Variants in TLN2 observed in about 807,000 individuals in gnomAD.
TLN2 encodes talin 2.
A neutral mutation model predicts 294.7 loss-of-function variants in TLN2; 118 were observed. The observed-to-expected ratio is 0.40, with a 90% CI of 0.34 to 0.47. The LOEUF (loss-of-function observed/expected upper bound fraction) is 0.47, where lower values mean the gene tolerates loss of function less well. TLN2 is among the 20% of genes least tolerant of loss of function. TLN2 has a pLI of 0.84. For missense variants in TLN2, 3,083 were observed against 3,282.2 expected (o/e 0.94, Z 1.48); for synonymous variants, 1,431 against 1,304.5 (o/e 1.10, Z -2.09).
chr15:62,615,147 A>G (rs55643522), intron 2 of TLN2, among the ~76,000 whole-genome samples: 27,932 of 152,186 alleles, frequency 0.18, 3,204 homozygotes, highest in East Asian at 0.42. Flanking sequence ...TTTAAAAGAT[A>G]TTTGAAAAGT....
intron 3 of TLN2, among the ~76,000 whole-genome samples, chr15:62,635,220 T>C (rs1334202872): frequency 6.6e-6 from 1 of 152,168 alleles, no homozygotes; most frequent in South Asian, 2.1e-4. Context: ...TTTGTAAAAA[T>C]ACTGATGATT....
At chr15:62,764,362 T>C (rs2062862532) in intron 40 of TLN2, among the ~76,000 whole-genome samples, 1 of 152,248 alleles carries the variant, frequency 6.6e-6, no homozygotes. Flanking sequence ...AGGTGCTTAA[T>C]AAACATGGAT....
chr15:62,733,272 A>G (rs929391007), intron 28 of TLN2, among the ~76,000 whole-genome samples: 6 of 152,192 alleles, frequency 3.9e-5, no homozygotes, highest in South Asian at 2.1e-4. Flanking sequence ...TTAAGCATCC[A>G]TTAGCTTTAG....
In TLN2 at chr15:62,573,942, T is replaced by A. The variant is rs184816376; in HGVS notation, c.-237-15745T>A. On this transcript the variant is annotated intron_variant, in intron 1 of 58. Transcript: ENST00000636159. ...GAGGCAGGTTGGGAGCTCAGCCGCC[T>A]GACTCCCTGCACATGCCTTCAACTT... Among the ~76,000 whole-genome samples the A allele has an allele frequency of 7.9e-4, 120 of 152,232 alleles. No homozygotes were observed. The Middle Eastern group carries it at 0.014, about 17-fold the overall frequency.
At chr15:62,503,542 G>A (rs1261716413) in intron 1 of TLN2, among the ~76,000 whole-genome samples, 1 of 152,200 alleles carries the variant, frequency 6.6e-6, no homozygotes, top group African/African-American at 2.4e-5. Context: ...TCTTTCTGTG[G>A]TGTGAAAAGG....
At position 62,736,994 on chromosome 15, in the gene TLN2, G is replaced by A; in HGVS notation, c.3475G>A (p.Asp1159Asn). ...CCATGCCATGTTAGATTCTGCTCGAGACGTGATGGAGGGCTCCGCCATGCT... is the reference window on the plus strand; with the variant it reads ...CCATGCCATGTTAGATTCTGCTCGAAACGTGATGGAGGGCTCCGCCATGCT... ...AAHAMLDSAR[D>N]VMEGSAMLIQ... The change falls in exon 29 of 59, where the codon GAC (aspartate) becomes AAC (asparagine). Residue 1159 changes from aspartate to asparagine, a missense_variant. Asp to Asn is a conservative substitution (Grantham distance 23, BLOSUM62 1). Coordinates refer to ENST00000636159, the MANE Select transcript of TLN2 (RefSeq NM_015059.3). The A allele has an allele frequency of 6.2e-7, 1 of 1,614,226 alleles. No homozygotes were observed. Among genetic ancestry groups the A allele is most frequent in the Non-Finnish European group, 8.5e-7 (1 of 1,180,046 alleles).
chr15:62,636,642 G>T (rs2050412734), intron 3 of TLN2, among the ~76,000 whole-genome samples: 1 of 152,118 alleles, frequency 6.6e-6, no homozygotes, highest in Non-Finnish European at 1.5e-5. Flanking sequence ...GTGATGTGTG[G>T]TGTGGGGTCT....
rs189959134 is a variant in TLN2 at position 62,413,639 on chromosome 15, G to T, written c.-238+22954G>T. ...CGTGAATTTATATGCTATTGCCAAGGTCTGCAGGGACAGGTGCACATTAAG... is the reference window on the plus strand; with the variant it reads ...CGTGAATTTATATGCTATTGCCAAGTTCTGCAGGGACAGGTGCACATTAAG... On this transcript the variant is annotated intron_variant, in intron 1 of 58. Coordinates refer to ENST00000636159, the MANE Select transcript of TLN2 (RefSeq NM_015059.3). Among the ~76,000 whole-genome samples the T allele has an allele frequency of 5.4e-3, 822 of 152,314 alleles. 2 individuals are homozygous for T. Among genetic ancestry groups the T allele is most frequent in the Non-Finnish European group, 9.0e-3 (614 of 68,034 alleles).
Position 62,810,004 on chromosome 15 carries a change from A to G in TLN2, c.6743A>G (p.Tyr2248Cys). The change falls in exon 52 of 59, where the codon TAC (tyrosine) becomes TGC (cysteine). Residue 2248 changes from tyrosine to cysteine, a missense_variant. Transcript: ENST00000636159. ...LRFGTECTLGYLDLLEHVLVI... is the reference protein window; with the variant it reads ...LRFGTECTLGCLDLLEHVLVI... ...TTCGGGACGGAGTGCACCCTTGGCTACTTGGACCTCCTGGAGCACGTCTTG... is the reference window on the plus strand; with the variant it reads ...TTCGGGACGGAGTGCACCCTTGGCTGCTTGGACCTCCTGGAGCACGTCTTG... 6.2e-7 allele frequency: 1 copy of G among 1,613,794 alleles called. No homozygotes were observed. The highest frequency in any genetic ancestry group is 8.5e-7 in the Non-Finnish European group (1 of 1,179,950).
At chr15:62,781,296 C>A in intron 44 of TLN2, 55 bp downstream of exon 44, 1 of 1,374,520 alleles carries the variant, frequency 7.3e-7, no homozygotes, top group South Asian at 1.2e-5. Flanking sequence ...TATCCACTGC[C>A]GCCGCTGAGC....
intron 32 of TLN2, among the ~76,000 whole-genome samples, chr15:62,742,620 G>C (rs560299146): frequency 1.4e-4 from 21 of 151,992 alleles, no homozygotes; most frequent in Non-Finnish European, 2.8e-4. Context: ...AAAGGACATG[G>C]GGAAAAGGGG....
Position 62,428,080 on chromosome 15 carries a change from C to G in TLN2, c.-238+37395C>G, listed in dbSNP as rs539916141. Among the ~76,000 whole-genome samples the G allele has an allele frequency of 1.7e-3, 258 of 152,286 alleles. 1 individual carries two copies. The highest frequency in any genetic ancestry group is 6.0e-3 in the African/African-American group (250 of 41,562). On this transcript the variant is annotated intron_variant, in intron 1 of 58. Transcript: ENST00000636159. Reference sequence around the variant, plus strand: ...CATTCATCATTGTGCCACCACCCCCCCTCCACAATTCTGGTCTTGGGTTTC... The same window carrying G: ...CATTCATCATTGTGCCACCACCCCCGCTCCACAATTCTGGTCTTGGGTTTC...
chr15:62,661,341 G>C (rs2053805914), intron 9 of TLN2, among the ~76,000 whole-genome samples: 1 of 152,062 alleles, frequency 6.6e-6, no homozygotes, highest in South Asian at 2.1e-4. Flanking sequence ...GAAAAAAATT[G>C]AACATAGCCT....
At chr15:62,720,191 G>T (rs891339473) in intron 25 of TLN2, among the ~76,000 whole-genome samples, 2 of 152,336 alleles carry the variant, frequency 1.3e-5, no homozygotes, top group African/African-American at 2.4e-5. Flanking sequence ...GAACAGCCTA[G>T]GACTAGGCAT....
intron 39 of TLN2, among the ~76,000 whole-genome samples, chr15:62,762,734 A>T (rs1272055088): frequency 2.6e-5 from 4 of 152,224 alleles, no homozygotes; most frequent in South Asian, 2.1e-4. Flanking sequence ...CTGATGAAAA[A>T]ATTTAGGCAG....
chr15:62,636,156 C>T (rs1409897544), intron 3 of TLN2, among the ~76,000 whole-genome samples: 2 of 152,098 alleles, frequency 1.3e-5, no homozygotes, highest in African/African-American at 2.4e-5. Context: ...TTAATTCTTA[C>T]ATTCAGAAGG....
chr15:62,839,658 T>C (rs1596226724), intron 58 of TLN2, among the ~76,000 whole-genome samples: 2 of 152,352 alleles, frequency 1.3e-5, no homozygotes, highest in South Asian at 2.1e-4. Context: ...GGGACTGTTT[T>C]ATTTATCCGC....
At chr15:62,466,421 T>A (rs1368623700) in intron 1 of TLN2, among the ~76,000 whole-genome samples, 1 of 152,138 alleles carries the variant, frequency 6.6e-6, no homozygotes, top group African/African-American at 2.4e-5. Flanking sequence ...CATCGTAGGG[T>A]GTTCAGCAGC....
At chr15:62,475,308 T>G (rs1419611398) in intron 1 of TLN2, among the ~76,000 whole-genome samples, 1 of 152,150 alleles carries the variant, frequency 6.6e-6, no homozygotes, top group South Asian at 2.1e-4. Flanking sequence ...GTAACAGAAT[T>G]TTGGAATTTT....
Sources: allele counts gnomAD v4.1 joint callset (sites outside exome capture counted in the v4.1 genomes callset), GRCh38; gene constraint gnomAD v4.1.1; transcripts MANE v1.5; gene names NCBI Gene and HGNC (gene_info 2026-07-23, HGNC 2026-07-21).